DESI2: variants seen among roughly 807,000 people sequenced by gnomAD.
The protein encoded by DESI2 is desumoylating isopeptidase 2.
In DESI2, 10 loss-of-function variants were observed where a neutral mutation model predicts 24.1. That is an observed-to-expected ratio of 0.41 (90% confidence interval 0.26 to 0.70). The LOEUF (loss-of-function observed/expected upper bound fraction) is 0.70. Ranked by LOEUF, DESI2 falls within the 30% of genes least tolerant of loss-of-function variation. The pLI is 0.29. For synonymous variants in DESI2, 71 were observed against 87.7 expected, an observed-to-expected ratio of 0.81 and a Z score of 1.06; for missense variants, 122 against 234.9, an observed-to-expected ratio of 0.52 and a Z score of 3.14.
intron 4 of DESI2, among the ~76,000 whole-genome samples, chr1:244,696,981 T>C (rs542089595): frequency 6.6e-6 from 1 of 152,234 alleles, no homozygotes; most frequent in South Asian, 2.1e-4. Context: ...TCACAGACCA[T>C]TGCTGGGGGG....
intron 1 of DESI2, among the ~76,000 whole-genome samples, chr1:244,663,530 T>C (rs1675928183): frequency 1.8e-4 from 1 of 5,552 alleles, no homozygotes; most frequent in Non-Finnish European, 3.1e-4. Flanking sequence ...GCAAAAAAGT[T>C]ACACGGGAAC....
intron 4 of DESI2, among the ~76,000 whole-genome samples, chr1:244,704,786 G>C (rs1285838448): frequency 1.3e-5 from 2 of 152,304 alleles, no homozygotes; most frequent in Non-Finnish European, 2.9e-5. Flanking sequence ...AGCCTCCCGA[G>C]TATCTGGGAA....
chr1:244,701,631 T>G (rs1677468108), intron 4 of DESI2, among the ~76,000 whole-genome samples: 1 of 152,214 alleles, frequency 6.6e-6, no homozygotes. Flanking sequence ...GACTAGTAAC[T>G]CCTTTCTTCC....
chr1:244,682,583 A>T (rs1390572074), intron 1 of DESI2, among the ~76,000 whole-genome samples: 1 of 152,220 alleles, frequency 6.6e-6, no homozygotes, highest in Non-Finnish European at 1.5e-5. Context: ...TTTGTAAAAA[A>T]ATAGATATTT....
intron 4 of DESI2, among the ~76,000 whole-genome samples, chr1:244,696,410 A>G (rs555987214): frequency 6.6e-6 from 1 of 152,244 alleles, no homozygotes; most frequent in Admixed American, 6.5e-5. Flanking sequence ...TTGCTTGAGC[A>G]CACAAGTTCA....
At chr1:244,701,150 G>A (rs1677434741) in intron 4 of DESI2, among the ~76,000 whole-genome samples, 1 of 140,810 alleles carries the variant, frequency 7.1e-6, no homozygotes, top group African/African-American at 2.6e-5. Flanking sequence ...GAAATTAGGA[G>A]CTTCACTATT....
chr1:244,695,391 C>T (rs1487486521), intron 4 of DESI2, among the ~76,000 whole-genome samples: 3 of 152,244 alleles, frequency 2.0e-5, no homozygotes, highest in African/African-American at 7.2e-5. Flanking sequence ...TGGTGGCTCA[C>T]ACCTGTAATC....
chr1:244,662,387 G>A (rs1266719717), intron 1 of DESI2, among the ~76,000 whole-genome samples: 3 of 152,042 alleles, frequency 2.0e-5, no homozygotes, highest in African/African-American at 4.8e-5. Context: ...TCCTGCTTTC[G>A]ATTTTTTTGG....
At chr1:244,655,452 G>GTT (rs1287072551) in intron 1 of DESI2, among the ~76,000 whole-genome samples, 2 of 152,104 alleles carry the variant, frequency 1.3e-5, no homozygotes, top group African/African-American at 4.8e-5. Flanking sequence ...TCTTTTGAGG[G>GTT]CTTTGAGTGT....
intron 1 of DESI2, among the ~76,000 whole-genome samples, chr1:244,661,243 C>T (rs1005258651): frequency 6.6e-6 from 1 of 152,102 alleles, no homozygotes; most frequent in East Asian, 1.9e-4. Flanking sequence ...ACTAGATAAC[C>T]TCATTTAAGT....
At chr1:244,687,250 A>T (rs1389066571) in intron 2 of DESI2, among the ~76,000 whole-genome samples, 1 of 152,170 alleles carries the variant, frequency 6.6e-6, no homozygotes, top group Admixed American at 6.5e-5. Flanking sequence ...CATTCTCCTT[A>T]TTAAAACCCT....
At chr1:244,702,169 C>G (rs1677489671) in intron 4 of DESI2, among the ~76,000 whole-genome samples, 1 of 152,166 alleles carries the variant, frequency 6.6e-6, no homozygotes, top group Non-Finnish European at 1.5e-5. Flanking sequence ...TTTAAAAATT[C>G]AGGTAGCAAT....
Position 244,707,317 on chromosome 1 carries a change from T to A in DESI2, c.*1528T>A, listed in dbSNP as rs962329202. On this transcript the variant is annotated 3_prime_UTR_variant, in exon 5 of 5. Transcript: ENST00000302550. ...TCATTTTATCAACGTAAGCACACCC[T>A]GTTCATAGGGAAAATAAACCTTGGG... 2.0e-5 allele frequency: 3 copies of A among 152,656 alleles called. No homozygotes were observed. Among genetic ancestry groups the A allele is most frequent in the African/African-American group, 7.2e-5 (3 of 41,466 alleles). The allele number at this position is 152,656 out of a possible 1,614,324, so 9.5% of individuals were successfully genotyped here. A position where few individuals can be genotyped will look rare whatever the true frequency, so the allele number is the denominator to read the frequency against.
At chr1:244,703,480 C>T (rs7530396) in intron 4 of DESI2, among the ~76,000 whole-genome samples, 22,972 of 152,024 alleles carry the variant, frequency 0.15, 3,588 homozygotes, top group African/African-American at 0.4. Flanking sequence ...CCTAGCCTCC[C>T]AAGTAGCTGA....
At chr1:244,671,761 T>A (rs1390248674) in intron 1 of DESI2, among the ~76,000 whole-genome samples, 1 of 152,216 alleles carries the variant, frequency 6.6e-6, no homozygotes, top group Non-Finnish European at 1.5e-5. Flanking sequence ...TGGCTATGAT[T>A]TTGTTTTGCA....
chr1:244,696,453 CTACAAAAAA>C (rs1677219361), intron 4 of DESI2, among the ~76,000 whole-genome samples: 1 of 152,150 alleles, frequency 6.6e-6, no homozygotes, highest in Non-Finnish European at 1.5e-5. Context: ...AAAACCCCAT[CTACAAAAAA>C]TACAAAAATT....
chr1:244,702,932 C>T (rs1322206321), intron 4 of DESI2, among the ~76,000 whole-genome samples: 3 of 151,726 alleles, frequency 2.0e-5, no homozygotes, highest in Admixed American at 1.3e-4. Flanking sequence ...CATGATTAAC[C>T]TCTAAATAGG....
intron 4 of DESI2, among the ~76,000 whole-genome samples, chr1:244,695,468 A>T (rs1192504131): frequency 6.6e-6 from 1 of 152,188 alleles, no homozygotes; most frequent in Admixed American, 6.5e-5. Context: ...CCTGGCCAAC[A>T]TGTTGAAACC....
At chr1:244,659,204 G>A (rs1675753872) in intron 1 of DESI2, among the ~76,000 whole-genome samples, 1 of 151,342 alleles carries the variant, frequency 6.6e-6, no homozygotes. Flanking sequence ...GGAAGGGGGT[G>A]GGGGAAGCTA....
Sources: gnomAD v4.1 joint callset for allele counts (sites outside exome capture counted in the v4.1 genomes callset) on GRCh38, gnomAD v4.1.1 for gene constraint, MANE v1.5 for transcripts, NCBI Gene and HGNC (gene_info 2026-07-23, HGNC 2026-07-21) for gene names.